BAD: variants seen among roughly 807,000 people sequenced by gnomAD.
The protein encoded by BAD is BCL2 associated agonist of cell death.
A neutral mutation model predicts 17.8 loss-of-function variants in BAD; 18 were observed. The observed-to-expected ratio is 1.01, with a 90% CI of 0.70 to 1.50. The LOEUF (loss-of-function observed/expected upper bound fraction) is 1.50. Among genes scored for constraint, BAD ranks in the 40% most tolerant of loss-of-function variants. The pLI, the probability that BAD is intolerant of heterozygous loss-of-function variation, is 0.00. For missense variants in BAD, 294 were observed against 239.3 expected (o/e 1.23, Z -1.51); for synonymous variants, 112 against 91.5 (o/e 1.22, Z -1.28).
chr11:64,271,566 G>C (rs2032610787), intron 3 of BAD, 47 bp downstream of exon 3: 12 of 1,366,764 alleles, frequency 8.8e-6, no homozygotes, highest in Non-Finnish European at 1.1e-5. Context: ...ACCGGCGGGG[G>C]GCGGCCTGGT....
intron 2 of BAD, 112 bp from the exon 3 acceptor site, chr11:64,271,915 G>A: frequency 2.2e-6 from 2 of 893,796 alleles, no homozygotes; most frequent in Non-Finnish European, 3.0e-6. Context: ...GGTCTTCCAG[G>A]GGCGCATCAC....
chr11:64,274,114 C>T (rs1471996967), intron 2 of BAD, among the ~76,000 whole-genome samples: 3 of 152,098 alleles, frequency 2.0e-5, no homozygotes, highest in East Asian at 1.9e-4. Context: ...AGTAGGTGGC[C>T]GGGTGCGGTG....
At chr11:64,278,001 A>G (rs2033183226) in intron 2 of BAD, among the ~76,000 whole-genome samples, 1 of 152,190 alleles carries the variant, frequency 6.6e-6, no homozygotes, top group African/African-American at 2.4e-5. Context: ...TAACTTAAAA[A>G]TATAGGCCCA....
intron 2 of BAD, among the ~76,000 whole-genome samples, chr11:64,280,485 G>C (rs1190979021): frequency 6.8e-6 from 1 of 146,498 alleles, no homozygotes; most frequent in African/African-American, 2.5e-5. Context: ...CCGAGTAGCT[G>C]GGACTATAGG....
Position 64,280,445 on chromosome 11 carries a change from G to A in BAD, c.187+3737C>T, listed in dbSNP as rs1157137726. 1.4e-4 allele frequency among the ~76,000 whole-genome samples: 20 copies of A among 146,586 alleles called. No individual in the cohort carries two copies. The South Asian group carries it at 1.5e-3, about 11-fold the overall frequency. On this transcript the variant is annotated intron_variant, in intron 2 of 3. Transcript: ENST00000309032. ...CGGCTCACTGCAAGCTCTGCCTCCC[G>A]GGTTCATGCCATTCTCCTGCCTCAG...
intron 2 of BAD, chr11:64,277,167 A>T (rs1053973320): frequency 3.4e-6 from 2 of 595,766 alleles, no homozygotes. Flanking sequence ...GCCATCAGGC[A>T]AGGGCTGGGT....
intron 2 of BAD, among the ~76,000 whole-genome samples, chr11:64,277,430 T>G (rs778568512): frequency 5.9e-5 from 9 of 152,162 alleles, no homozygotes; most frequent in Non-Finnish European, 1.0e-4. Flanking sequence ...AGTTGGCAAA[T>G]GTTTCCTTTT....
intron 2 of BAD, among the ~76,000 whole-genome samples, chr11:64,282,515 G>C (rs1288922926): frequency 1.3e-5 from 2 of 152,042 alleles, no homozygotes; most frequent in Non-Finnish European, 2.9e-5. Context: ...CAGGAGGATC[G>C]TTTGAGCCCA....
chr11:64,270,425 G>C, intron 3 of BAD, 88 bp from the exon 4 acceptor site: 1 of 1,450,876 alleles, frequency 6.9e-7, no homozygotes, highest in East Asian at 2.3e-5. Context: ...TCCTCTAAGT[G>C]AGATCGGGGG....
rs777517740 is a variant in BAD, at chr11:64,270,107, A to G, written c.*102T>C. 6.4e-6 allele frequency: 10 copies of G among 1,564,822 alleles called. No homozygotes were observed. In the Admixed American group the frequency reaches 1.8e-4, roughly 28 times the overall value. On this transcript the variant is annotated 3_prime_UTR_variant, in exon 4 of 4. Coordinates refer to ENST00000309032, the MANE Select transcript of BAD (RefSeq NM_032989.3). ...CCTCCCTCCAAAGGAGACAGCACGG[A>G]TCCTCTTTTTGCATAGGCCTGAGGG...
intron 1 of BAD, 38 bp downstream of exon 1, chr11:64,284,593 G>A: frequency 6.7e-7 from 1 of 1,497,190 alleles, no homozygotes; most frequent in Non-Finnish European, 8.9e-7. Context: ...GTGGACCCAG[G>A]CCCCGCCCCG....
chr11:64,278,234 T>C (rs886427149), intron 2 of BAD, among the ~76,000 whole-genome samples: 2 of 151,920 alleles, frequency 1.3e-5, no homozygotes, highest in African/African-American at 4.8e-5. Flanking sequence ...TTTGAGGCTT[T>C]ATAAATATAT....
intron 2 of BAD, chr11:64,276,654 A>G (rs1591154303): frequency 4.3e-6 from 2 of 468,102 alleles, no homozygotes; most frequent in South Asian, 2.9e-5. Flanking sequence ...AAAGTGTTCT[A>G]TTTACAGGGA....
chr11:64,277,095 C>G, intron 2 of BAD: 2 of 670,606 alleles, frequency 3.0e-6, no homozygotes, highest in South Asian at 3.3e-5. Flanking sequence ...GACACTTGCA[C>G]ACTGAATTGC....
intron 3 of BAD, 35 bp downstream of exon 3, chr11:64,271,578 C>T (rs2032612857): frequency 7.2e-7 from 1 of 1,391,224 alleles, no homozygotes; most frequent in South Asian, 1.6e-5. Flanking sequence ...CGGCCTGGTA[C>T]TTCAGGTCCT....
chr11:64,284,644 TCGAGGCCCCTGACC>T lies in BAD; in HGVS notation c.-36_-23del. ...CACAGGTCTCACCCCAAGCCCGATCTCGAGGCCCCTGACCCGGGCCTGCCGCCTCCCTCCAGCAC... is the reference window on the plus strand; with the variant it reads ...CACAGGTCTCACCCCAAGCCCGATCTCGGGCCTGCCGCCTCCCTCCAGCAC... On this transcript the variant is annotated 5_prime_UTR_variant, in exon 1 of 4. Transcript: ENST00000309032. The T allele has an allele frequency of 6.5e-7, 1 of 1,531,046 alleles. No individual in the cohort carries two copies. The highest frequency in any genetic ancestry group is 8.7e-7 in the Non-Finnish European group (1 of 1,144,622). 94.8% of individuals were successfully genotyped at this position (1,531,046 alleles called of 1,614,324 possible). A position where few individuals can be genotyped will look rare whatever the true frequency, so the allele number is the denominator to read the frequency against.
chr11:64,284,165 G>A lies in BAD; in HGVS notation c.187+17C>T, dbSNP rs367613306. The A allele has an allele frequency of 6.4e-7, 1 of 1,559,628 alleles. No homozygotes were observed. Among genetic ancestry groups the A allele is most frequent in the Non-Finnish European group, 8.7e-7 (1 of 1,152,936 alleles). On this transcript the variant is annotated intron_variant, in intron 2 of 3. Coordinates refer to ENST00000309032, the MANE Select transcript of BAD (RefSeq NM_032989.3). ...GGGGTGAGGTGTCCCGGCAGGTGGA[G>A]GTGGTGGGGTACTTACCTCCATGAT...
rs771347338 is a variant in BAD at position 64,275,044 on chromosome 11, C to T, written c.188-3241G>A. Among the ~76,000 whole-genome samples, 78 of 145,544 alleles carry T rather than the reference C, an allele frequency of 5.4e-4. 1 individual carries two copies. Among genetic ancestry groups the T allele is most frequent in the African/African-American group, 6.2e-4 (24 of 38,502 alleles). ...AGTAAGGGAACGAGAGGACGGAATC[C>T]GGAAAGGCCTAGGGTAAGATAGGCT... On this transcript the variant is annotated intron_variant, in intron 2 of 3. Coordinates refer to ENST00000309032, the MANE Select transcript of BAD (RefSeq NM_032989.3).
chr11:64,281,078 C>T (rs2033437460), intron 2 of BAD, among the ~76,000 whole-genome samples: 2 of 152,316 alleles, frequency 1.3e-5, no homozygotes, highest in South Asian at 2.1e-4. Flanking sequence ...CGCCATTCTC[C>T]TGCCTCAGCC....
Sources: allele counts gnomAD v4.1 joint callset (sites outside exome capture counted in the v4.1 genomes callset), GRCh38; gene constraint gnomAD v4.1.1; transcripts MANE v1.5; gene names NCBI Gene and HGNC (gene_info 2026-07-23, HGNC 2026-07-21).